The following WWOX variants were observed in gnomAD, a reference collection of about 807,000 sequenced individuals.
WWOX encodes WW domain-containing oxidoreductase.
In WWOX, 69 loss-of-function variants were observed where a neutral mutation model predicts 46.2. That is an observed-to-expected ratio of 1.49 (90% confidence interval 1.23 to 1.82). WWOX has a LOEUF of 1.82. Ranked by LOEUF, WWOX falls within the 40% of genes most tolerant of loss-of-function variation. WWOX has a pLI of 0.00. For missense variants in WWOX, 919 were observed against 542.6 expected (o/e 1.69, Z -6.89); for synonymous variants, 359 against 202.6 (o/e 1.77, Z -6.56).
At chr16:78,711,118 G>A (rs2048436152) in intron 8 of WWOX, among the ~76,000 whole-genome samples, 1 of 152,154 alleles carries the variant, frequency 6.6e-6, no homozygotes, top group Non-Finnish European at 1.5e-5. Flanking sequence ...TTTAAAGCCT[G>A]CTGGCTAAAT....
At chr16:78,431,638 C>G (rs2083219455) in intron 7 of WWOX, among the ~76,000 whole-genome samples, 1 of 150,182 alleles carries the variant, frequency 6.7e-6, no homozygotes, top group Admixed American at 6.6e-5. Context: ...TATGTCAGGA[C>G]TGCTACATTT....
intron 8 of WWOX, chr16:78,891,553 T>A (rs2044590389): frequency 6.6e-6 from 1 of 152,230 alleles, no homozygotes; most frequent in South Asian, 2.1e-4. Flanking sequence ...ACTGACTAGT[T>A]GCCTTTAAAT....
intron 8 of WWOX, among the ~76,000 whole-genome samples, chr16:79,024,168 A>T (rs906252749): frequency 6.6e-6 from 1 of 152,208 alleles, no homozygotes; most frequent in African/African-American, 2.4e-5. Context: ...ATGGTCTAGA[A>T]TTAGATCGTG....
At chr16:78,385,436 A>G (rs2082042109) in intron 5 of WWOX, among the ~76,000 whole-genome samples, 1 of 152,218 alleles carries the variant, frequency 6.6e-6, no homozygotes, top group Non-Finnish European at 1.5e-5. Context: ...GTATCGTTAC[A>G]AACCTATGAG....
At chr16:78,632,255 C>A (rs1981881) in intron 8 of WWOX, among the ~76,000 whole-genome samples, 61,173 of 151,988 alleles carry the variant, frequency 0.4, 14,914 homozygotes, top group Middle Eastern at 0.55. Flanking sequence ...CTAGTATTTG[C>A]TTCCAGGGAT....
chr16:79,112,879 A>G (rs574264882), intron 8 of WWOX, among the ~76,000 whole-genome samples: 11 of 152,204 alleles, frequency 7.2e-5, no homozygotes, highest in Non-Finnish European at 2.9e-5. Context: ...CCCAAACTCA[A>G]GTCTTGGACA....
chr16:78,507,375 A>G (rs945765288), intron 8 of WWOX, among the ~76,000 whole-genome samples: 1 of 152,160 alleles, frequency 6.6e-6, no homozygotes, highest in African/African-American at 2.4e-5. Context: ...TAAAAAGTCA[A>G]AAGGAAACAA....
chr16:78,717,802 C>T lies in WWOX; in HGVS notation c.1056+285050C>T, dbSNP rs563590920. On this transcript the variant is annotated intron_variant, in intron 8 of 8. Transcript: ENST00000566780. ...GGTGGGAACATATTTAGAAGGATGCCCTGTGGTTTTTCTCCTTCCTGCTAT... is the reference window on the plus strand; with the variant it reads ...GGTGGGAACATATTTAGAAGGATGCTCTGTGGTTTTTCTCCTTCCTGCTAT... Among the ~76,000 whole-genome samples the T allele has an allele frequency of 3.3e-5, 5 of 152,064 alleles. No individual in the cohort carries two copies. In the South Asian group the frequency reaches 1.0e-3, roughly 32 times the overall value.
intron 6 of WWOX, among the ~76,000 whole-genome samples, chr16:78,404,817 C>A (rs28578322): frequency 0.013 from 1,997 of 152,142 alleles, 44 homozygotes; most frequent in African/African-American, 0.046. Context: ...TTAAATGTCC[C>A]CAGGAAGCCA....
intron 8 of WWOX, among the ~76,000 whole-genome samples, chr16:78,818,079 G>A (rs1191033007): frequency 6.6e-6 from 1 of 152,158 alleles, no homozygotes; most frequent in African/African-American, 2.4e-5. Context: ...GCCCATCAGA[G>A]CTAATCCCTA....
rs565552387 is a variant in WWOX, at chr16:78,421,416, C to T, written c.606-3454C>T. 3.9e-5 allele frequency among the ~76,000 whole-genome samples: 6 copies of T among 152,258 alleles called. No homozygotes were observed. The South Asian group carries it at 8.3e-4, about 21-fold the overall frequency. ...CTTCTCTGTGGGTGTTCCTTCTCCC[C>T]TTCTGTTTTGTAAGGATAGGCCTGT... On this transcript the variant is annotated intron_variant, in intron 6 of 8. Transcript: ENST00000566780.
At chr16:78,393,730 A>G (rs1597155895) in intron 6 of WWOX, among the ~76,000 whole-genome samples, 1 of 152,286 alleles carries the variant, frequency 6.6e-6, no homozygotes, top group Admixed American at 6.5e-5. Context: ...TTAGAACTGC[A>G]TTTTTGATCA....
At chr16:78,852,075 A>G (rs2052457688) in intron 8 of WWOX, among the ~76,000 whole-genome samples, 1 of 152,150 alleles carries the variant, frequency 6.6e-6, no homozygotes, top group Non-Finnish European at 1.5e-5. Context: ...CTTCAAGATG[A>G]CTTTTCATTC....
chr16:79,197,353 G>C lies in WWOX; in HGVS notation c.1057-14255G>C, dbSNP rs561188804. Among the ~76,000 whole-genome samples, 8 of 152,260 alleles carry C rather than the reference G, an allele frequency of 5.3e-5. No homozygotes were observed. The East Asian group carries it at 1.5e-3, about 29-fold the overall frequency. ...AGAACTGGATCATAGCAGCTTCCAA[G>C]AGCTGAGTGTGTACATTTCCTCCCA... On this transcript the variant is annotated intron_variant, in intron 8 of 8. Coordinates refer to ENST00000566780, the MANE Select transcript of WWOX (RefSeq NM_016373.4).
At chr16:79,154,136 G>T (rs555733231) in intron 8 of WWOX, among the ~76,000 whole-genome samples, 1 of 152,188 alleles carries the variant, frequency 6.6e-6, no homozygotes. Flanking sequence ...TTCAATGTCA[G>T]AGCCCTAAAT....
chr16:79,005,002 G>C (rs1389328718), intron 8 of WWOX, among the ~76,000 whole-genome samples: 3 of 152,164 alleles, frequency 2.0e-5, no homozygotes, highest in African/African-American at 7.2e-5. Flanking sequence ...AATGAAAAAG[G>C]GGAAGGGAGA....
chr16:78,367,562 G>T (rs970508635), intron 5 of WWOX, among the ~76,000 whole-genome samples: 3 of 152,118 alleles, frequency 2.0e-5, no homozygotes, highest in Non-Finnish European at 2.9e-5. Context: ...AAAAGGCTTC[G>T]AGTTCATGGA....
chr16:78,392,995 G>A (rs376822931), intron 6 of WWOX, among the ~76,000 whole-genome samples: 24 of 152,154 alleles, frequency 1.6e-4, no homozygotes, highest in Admixed American at 9.8e-4. Flanking sequence ...AGTGTGTCTC[G>A]GGTCAAATTA....
intron 8 of WWOX, among the ~76,000 whole-genome samples, chr16:79,092,515 C>T (rs528283728): frequency 1.3e-5 from 2 of 152,322 alleles, no homozygotes; most frequent in South Asian, 2.1e-4. Context: ...CAGCTCTTTC[C>T]CCTGGAAATG....
Sources: allele counts gnomAD v4.1 joint callset (sites outside exome capture counted in the v4.1 genomes callset), GRCh38; gene constraint gnomAD v4.1.1; transcripts MANE v1.5; gene names NCBI Gene and HGNC (gene_info 2026-07-23, HGNC 2026-07-21).